Variants in GRM7 observed in about 807,000 individuals in gnomAD.
GRM7 encodes the protein glutamate metabotropic receptor 7, also known as metabotropic glutamate receptor 7.
GRM7 carries 35 observed loss-of-function variants against 84.5 expected under a neutral mutation model. The observed-to-expected ratio is 0.41, with a 90% CI of 0.32 to 0.55. The LOEUF is 0.55. Ranked by LOEUF, GRM7 falls within the 20% of genes least tolerant of loss-of-function variation. The pLI is 0.19. For synonymous variants in GRM7, 487 were observed against 455.1 expected, an observed-to-expected ratio of 1.07 and a Z score of -0.89; for missense variants, 1,003 against 1,194.6, an observed-to-expected ratio of 0.84 and a Z score of 2.36.
At chr3:7,115,922 G>T (rs1693015620) in intron 1 of GRM7, among the ~76,000 whole-genome samples, 1 of 152,090 alleles carries the variant, frequency 6.6e-6, no homozygotes, top group Non-Finnish European at 1.5e-5. Flanking sequence ...ACAAAACAAG[G>T]ATCAGAAAAT....
At chr3:7,366,926 C>G (rs538482364) in intron 4 of GRM7, among the ~76,000 whole-genome samples, 134 of 151,400 alleles carry the variant, frequency 8.9e-4, no homozygotes, top group African/African-American at 3.2e-3. Flanking sequence ...CATGGTTATA[C>G]TTTTTAATGA....
rs1406128388 is a variant in GRM7, at chr3:7,298,698, G to T, written c.751G>T (p.Ala251Ser). 1 of 1,613,260 alleles carries T rather than the reference G, an allele frequency of 6.2e-7. No individual in the cohort carries two copies. Among genetic ancestry groups the T allele is most frequent in the African/African-American group, 1.3e-5 (1 of 74,978 alleles). Reference sequence around the variant, plus strand: ...CTCTTAAACAGGTGGACTCTGCATTGCCCAGTCCGTGAGAATCCCCCAGGA... The same window carrying T: ...CTCTTAAACAGGTGGACTCTGCATTTCCCAGTCCGTGAGAATCCCCCAGGA... ...ISKEAGGLCIAQSVRIPQERK... is the reference protein window; with the variant it reads ...ISKEAGGLCISQSVRIPQERK... Residue 251 changes from alanine to serine, a missense_variant, in exon 3 of 10, where the codon GCC becomes TCC. Around this residue, in one of 2 missense-constraint regions of GRM7, gnomAD observed 910 missense variants for 1,126.0 expected, o/e 0.81. Coordinates refer to ENST00000357716, the MANE Select transcript of GRM7 (RefSeq NM_000844.4).
At chr3:7,664,872 C>T (rs1271283307) in intron 8 of GRM7, among the ~76,000 whole-genome samples, 1 of 104,628 alleles carries the variant, frequency 9.6e-6, no homozygotes, top group African/African-American at 4.5e-5. Flanking sequence ...TCTTAGTCTA[C>T]TCTTGATCTC....
intron 1 of GRM7, among the ~76,000 whole-genome samples, chr3:7,122,101 A>G (rs1693245904): frequency 6.6e-6 from 1 of 152,194 alleles, no homozygotes; most frequent in Non-Finnish European, 1.5e-5. Context: ...TTTTCTTTAT[A>G]AATTACCCAG....
intron 9 of GRM7, among the ~76,000 whole-genome samples, chr3:7,686,787 T>C (rs1239736077): frequency 6.6e-6 from 1 of 152,144 alleles, no homozygotes; most frequent in East Asian, 1.9e-4. Flanking sequence ...TCAATGTATG[T>C]TTTCCTACTG....
chr3:7,088,905 G>A (rs1574886107), intron 1 of GRM7, among the ~76,000 whole-genome samples: 1 of 152,094 alleles, frequency 6.6e-6, no homozygotes, highest in African/African-American at 2.4e-5. Context: ...AGGACATCCT[G>A]TGAGGGTATA....
intron 9 of GRM7, among the ~76,000 whole-genome samples, chr3:7,710,853 T>G (rs1701555365): frequency 2.0e-5 from 3 of 152,206 alleles, no homozygotes; most frequent in Admixed American, 2.0e-4. Context: ...TCCCTGCAAA[T>G]GTACCACTGT....
At chr3:7,098,622 C>G (rs947513853) in intron 1 of GRM7, among the ~76,000 whole-genome samples, 1 of 151,822 alleles carries the variant, frequency 6.6e-6, no homozygotes, top group Non-Finnish European at 1.5e-5. Context: ...AAATATTTGT[C>G]CTTAATATTT....
intron 4 of GRM7, among the ~76,000 whole-genome samples, chr3:7,332,314 A>G (rs1701239482): frequency 6.6e-6 from 1 of 152,218 alleles, no homozygotes; most frequent in South Asian, 2.1e-4. Flanking sequence ...GGAAAGAAAT[A>G]GAACTAAGAT....
intron 1 of GRM7, among the ~76,000 whole-genome samples, chr3:6,927,622 C>T (rs1430427361): frequency 6.6e-6 from 1 of 151,892 alleles, no homozygotes; most frequent in African/African-American, 2.4e-5. Context: ...ATCATCATTG[C>T]TATTTTTTCC....
intron 1 of GRM7, among the ~76,000 whole-genome samples, chr3:6,904,680 A>G (rs1399371493): frequency 1.3e-5 from 2 of 151,556 alleles, no homozygotes; most frequent in African/African-American, 4.8e-5. Flanking sequence ...ATTTCTCACA[A>G]CAGGACCACA....
chr3:7,046,147 T>A (rs1696800099), intron 1 of GRM7, among the ~76,000 whole-genome samples: 1 of 152,166 alleles, frequency 6.6e-6, no homozygotes, highest in Non-Finnish European at 1.5e-5. Context: ...TCGTATTCTA[T>A]TGTCCATTGT....
At chr3:6,891,102 C>T (rs1441713605) in intron 1 of GRM7, among the ~76,000 whole-genome samples, 2 of 152,070 alleles carry the variant, frequency 1.3e-5, no homozygotes, top group Non-Finnish European at 2.9e-5. Context: ...TTCCTCCATC[C>T]TTTTATTTTG....
chr3:6,978,681 T>C (rs1455760512), intron 1 of GRM7, among the ~76,000 whole-genome samples: 1 of 152,152 alleles, frequency 6.6e-6, no homozygotes, highest in Non-Finnish European at 1.5e-5. Flanking sequence ...ATGACTTATC[T>C]ACATTATTTC....
chr3:7,130,144 T>A (rs1693542369), intron 1 of GRM7, among the ~76,000 whole-genome samples: 1 of 152,202 alleles, frequency 6.6e-6, no homozygotes, highest in South Asian at 2.1e-4. Context: ...CCTGTTGAGA[T>A]ACCTTGTCCT....
chr3:6,887,212 G>A (rs1046485380), intron 1 of GRM7, among the ~76,000 whole-genome samples: 16 of 151,482 alleles, frequency 1.1e-4, no homozygotes, highest in Admixed American at 8.6e-4. Flanking sequence ...TAGAAGTAAA[G>A]TTTAAAGTCT....
intron 2 of GRM7, among the ~76,000 whole-genome samples, chr3:7,199,313 A>G (rs753616060): frequency 1.7e-4 from 26 of 152,226 alleles, no homozygotes; most frequent in African/African-American, 3.1e-4. Flanking sequence ...CAGATATATG[A>G]GTGAGGCCTT....
At chr3:7,561,345 T>G (rs769752727) in intron 7 of GRM7, 33 of 307,382 alleles carry the variant, frequency 1.1e-4, no homozygotes, top group Non-Finnish European at 1.9e-4. Context: ...AAATTTATAC[T>G]GTGATGCTGA....
chr3:7,448,402 G>C (rs1420874646), intron 5 of GRM7, among the ~76,000 whole-genome samples: 1 of 152,112 alleles, frequency 6.6e-6, no homozygotes, highest in African/African-American at 2.4e-5. Context: ...TCCTAAACCA[G>C]TTCTTGCAGA....
Sources: gnomAD v4.1 joint callset for allele counts (sites outside exome capture counted in the v4.1 genomes callset) on GRCh38, gnomAD v4.1.1 for gene constraint, gnomAD v4.1.1 regional missense constraint, MANE v1.5 for transcripts, NCBI Gene and HGNC (gene_info 2026-07-23, HGNC 2026-07-21) for gene names.